Variants in STYXL1 observed in about 807,000 individuals in gnomAD.
The protein encoded by STYXL1 is serine/threonine/tyrosine-interacting-like protein 1.
In STYXL1, 32 loss-of-function variants were observed where a neutral mutation model predicts 36.4. That is an observed-to-expected ratio of 0.88 (90% confidence interval 0.66 to 1.18). The LOEUF is 1.18. Ranked by LOEUF, STYXL1 falls within the 50% of genes most tolerant of loss-of-function variation. STYXL1 has a pLI of 0.00. For missense variants in STYXL1, 354 were observed against 394.1 expected, an observed-to-expected ratio of 0.90 and a Z score of 0.86; for synonymous variants, 133 against 144.1, an observed-to-expected ratio of 0.92 and a Z score of 0.55.
chr7:76,021,965 A>C lies in STYXL1; in HGVS notation c.193T>G (p.Ser65Ala). ...TACTTCACACACTCCAGGTCCACAG[A>C]CTCCGGGAGAAGATATTCATTATTT... Reference protein sequence around the residue: ...KKNNEYLLPESVDLECVKYCV... With the variant: ...KKNNEYLLPEAVDLECVKYCV... The change falls in exon 4 of 9, where the codon TCT becomes GCT. Residue 65 changes from serine (S) to alanine (A), a missense_variant. Physicochemically the swap from Ser to Ala is moderately conservative, Grantham distance 99. Coordinates refer to ENST00000359697, the MANE Select transcript of STYXL1 (RefSeq NM_001317785.2). 6.2e-7 allele frequency: 1 copy of C among 1,610,022 alleles called. No individual in the cohort carries two copies. The highest frequency in any genetic ancestry group is 8.5e-7 in the Non-Finnish European group (1 of 1,179,398).
intron 4 of STYXL1, among the ~76,000 whole-genome samples, chr7:76,019,713 A>G (rs569621995): frequency 6.6e-6 from 1 of 152,054 alleles, no homozygotes. Flanking sequence ...ATTGACAGGA[A>G]GAATCTGGAA....
In STYXL1 at chr7:76,013,853, C is replaced by T; in HGVS notation, c.342G>A (p.Arg114=). The change falls in exon 5 of 9, where the codon AGG becomes AGA. Residue 114 remains arginine (R), a synonymous_variant. Coordinates refer to ENST00000359697, the MANE Select transcript of STYXL1 (RefSeq NM_001317785.2). The part of the protein sequence containing the change: ...LVPQAAIEYG[R]ILTRLTHHPV... ...GGTGGTGGGTGAGGCGGGTCAGGATCCTGCCATACTCAATGGCTGCTTGAG... is the reference window on the plus strand; with the variant it reads ...GGTGGTGGGTGAGGCGGGTCAGGATTCTGCCATACTCAATGGCTGCTTGAG... 6.2e-7 allele frequency: 1 copy of T among 1,613,734 alleles called. No individual in the cohort carries two copies. The highest frequency in any genetic ancestry group is 8.5e-7 in the Non-Finnish European group (1 of 1,179,840).
chr7:76,020,905 T>C (rs1362472000), intron 4 of STYXL1, among the ~76,000 whole-genome samples: 5 of 152,150 alleles, frequency 3.3e-5, no homozygotes, highest in African/African-American at 1.2e-4. Context: ...CACATGGAAC[T>C]GTCCCCATAA....
intron 1 of STYXL1, chr7:76,044,987 C>T (rs1407283904): frequency 2.6e-5 from 4 of 152,204 alleles, no homozygotes; most frequent in Non-Finnish European, 5.9e-5. Flanking sequence ...GAACACGGCC[C>T]ATACCACTGA....
intron 3 of STYXL1, among the ~76,000 whole-genome samples, chr7:76,028,338 C>T (rs1794948759): frequency 6.6e-6 from 1 of 151,936 alleles, no homozygotes; most frequent in South Asian, 2.1e-4. Flanking sequence ...CCAGCCAAGC[C>T]CAGGAGTTTA....
intron 1 of STYXL1, among the ~76,000 whole-genome samples, chr7:76,046,797 T>G (rs1797162949): frequency 6.6e-6 from 1 of 150,810 alleles, no homozygotes; most frequent in Non-Finnish European, 1.5e-5. Flanking sequence ...GCTACAGGTG[T>G]ACACCACCAC....
intron 5 of STYXL1, among the ~76,000 whole-genome samples, chr7:76,008,199 C>CAAAAA (rs60080805): frequency 5.9e-5 from 2 of 33,746 alleles, no homozygotes; most frequent in East Asian, 1.1e-3. Context: ...AACTCCATCT[C>CAAAAA]AAAAAAAAAA....
chr7:76,013,909 A>T (rs1554573101), intron 4 of STYXL1, 22 bp from the exon 5 acceptor site: 3 of 1,596,004 alleles, frequency 1.9e-6, no homozygotes, highest in Admixed American at 1.7e-5. Flanking sequence ...GACCAAAGAC[A>T]TGAATGTCTC....
In STYXL1 at chr7:76,047,758, C is replaced by T. The variant is rs557536677; in HGVS notation, c.-101G>A. On this transcript the variant is annotated 5_prime_UTR_variant, in exon 1 of 9. Transcript: ENST00000359697. ...GGGTCTGGGACGCGCTCCACCTCCC[C>T]GGCTGCGCGACTATGGCCAGGCTCC... 471 of 359,362 alleles carry T rather than the reference C, an allele frequency of 1.3e-3. No individual in the cohort carries two copies. Among genetic ancestry groups the T allele is most frequent in the South Asian group, 3.1e-3 (106 of 33,816 alleles). The allele number at this position is 359,362 out of a possible 1,614,324, so 22.3% of individuals were successfully genotyped here.
intron 1 of STYXL1, among the ~76,000 whole-genome samples, chr7:76,033,438 A>AC (rs1189508182): frequency 1.3e-5 from 2 of 152,122 alleles, no homozygotes; most frequent in Non-Finnish European, 2.9e-5. Context: ...GAGCCACTGC[A>AC]CCTGGCCAGC....
intron 3 of STYXL1, among the ~76,000 whole-genome samples, chr7:76,024,344 C>T (rs1554577096): frequency 6.6e-6 from 1 of 152,102 alleles, no homozygotes; most frequent in African/African-American, 2.4e-5. Flanking sequence ...TCAGGCCAGG[C>T]CTGGTGGCTC....
At chr7:76,020,253 T>C (rs1413842961) in intron 4 of STYXL1, among the ~76,000 whole-genome samples, 2 of 152,172 alleles carry the variant, frequency 1.3e-5, no homozygotes, top group African/African-American at 4.8e-5. Context: ...AAGGACCTCC[T>C]GGGACAAAAG....
intron 5 of STYXL1, among the ~76,000 whole-genome samples, chr7:76,006,406 G>T (rs560560260): frequency 2.6e-5 from 4 of 152,182 alleles, no homozygotes; most frequent in African/African-American, 9.6e-5. Flanking sequence ...GTGCAGAGGG[G>T]TAGAGAGAAC....
intron 5 of STYXL1, among the ~76,000 whole-genome samples, chr7:76,011,242 C>T (rs1206433783): frequency 6.6e-6 from 1 of 152,128 alleles, no homozygotes; most frequent in East Asian, 1.9e-4. Flanking sequence ...CAACTTCAAA[C>T]ATTAACAACT....
intron 3 of STYXL1, among the ~76,000 whole-genome samples, chr7:76,028,226 G>A (rs1278631539): frequency 6.6e-6 from 1 of 151,962 alleles, no homozygotes; most frequent in Non-Finnish European, 1.5e-5. Flanking sequence ...TAGAGATGGG[G>A]TTTCACCATG....
chr7:76,047,834 G>A lies in STYXL1; in HGVS notation c.-177C>T. 8.7e-7 allele frequency: 1 copy of A among 1,145,076 alleles called. No individual in the cohort carries two copies. The highest frequency in any genetic ancestry group is 1.1e-6 in the Non-Finnish European group (1 of 882,904). The allele number at this position is 1,145,076 out of a possible 1,614,324, so 70.9% of individuals were successfully genotyped here. On this transcript the variant is annotated 5_prime_UTR_variant, in exon 1 of 9. Coordinates refer to ENST00000359697, the MANE Select transcript of STYXL1 (RefSeq NM_001317785.2). ...CACCTGGAAAAATGGCTCCTCTAAG[G>A]CGCTTCCAGCCTAAAGCCCGTCCTC...
chr7:76,004,788 T>C (rs1791448704), intron 6 of STYXL1, among the ~76,000 whole-genome samples: 1 of 151,980 alleles, frequency 6.6e-6, no homozygotes, highest in Non-Finnish European at 1.5e-5. Flanking sequence ...GATCACAAGG[T>C]CAGGTGATCG....
chr7:76,042,088 G>A (rs1796522426), intron 1 of STYXL1, among the ~76,000 whole-genome samples: 1 of 152,208 alleles, frequency 6.6e-6, no homozygotes, highest in Non-Finnish European at 1.5e-5. Context: ...GTACGCATGT[G>A]TGTGAGTCTG....
At chr7:76,023,696 C>A (rs1240453159) in intron 3 of STYXL1, among the ~76,000 whole-genome samples, 1 of 151,928 alleles carries the variant, frequency 6.6e-6, no homozygotes, top group Non-Finnish European at 1.5e-5. Context: ...CACTGCGCTC[C>A]AGCCTGGGTG....
Sources: allele counts gnomAD v4.1 joint callset (sites outside exome capture counted in the v4.1 genomes callset), GRCh38; gene constraint gnomAD v4.1.1; transcripts MANE v1.5; gene names NCBI Gene and HGNC (gene_info 2026-07-23, HGNC 2026-07-21).